Variants in NCOR2 observed in about 807,000 individuals in gnomAD.
The protein encoded by NCOR2 is CTG repeat protein 26.
In NCOR2, 81 loss-of-function variants were observed where a neutral mutation model predicts 262.9. The observed-to-expected ratio is 0.31, with a 90% CI of 0.26 to 0.37. The LOEUF (loss-of-function observed/expected upper bound fraction) is 0.37. NCOR2 is among the 10% of genes least tolerant of loss of function. The pLI is 1.00. For synonymous variants in NCOR2, 1,659 were observed against 1,559.3 expected (o/e 1.06, Z -1.51); for missense variants, 3,385 against 3,621.4 (o/e 0.93, Z 1.68).
At chr12:124,354,687 C>G in intron 25 of NCOR2, 105 bp from the exon 28 acceptor site, 2 of 1,321,358 alleles carry the variant, frequency 1.5e-6, no homozygotes, top group Non-Finnish European at 2.0e-6. Context: ...TGCCCCTCCC[C>G]ACCATGTTCC....
chr12:124,473,560 C>G (rs1310165179), intron 3 of NCOR2, among the ~76,000 whole-genome samples: 2 of 152,038 alleles, frequency 1.3e-5, no homozygotes, highest in East Asian at 1.9e-4. Flanking sequence ...AGTTAATACT[C>G]CTTAATAAAC....
chr12:124,564,395 C>T (rs1039258478), intron 1 of NCOR2, among the ~76,000 whole-genome samples: 1 of 152,042 alleles, frequency 6.6e-6, no homozygotes, highest in Admixed American at 6.6e-5. Flanking sequence ...GTTACCAGCT[C>T]CCACCGGCAG....
At chr12:124,340,080 T>TCTC in exon 37 of NCOR2, 1 of 1,612,906 alleles carries the variant, frequency 6.2e-7, no homozygotes, top group Non-Finnish European at 8.5e-7. Context: ...GCACACTGGG[T>TCTC]CTCTGCTGGA....
chr12:124,449,722 G>T, intron 7 of NCOR2, 93 bp downstream of exon 9: 1 of 1,459,112 alleles, frequency 6.9e-7, no homozygotes, highest in Non-Finnish European at 9.4e-7. Flanking sequence ...GATGGGAACA[G>T]AGAGCCCACG....
chr12:124,346,592 C>A, exon 31 of NCOR2: 1 of 1,576,554 alleles, frequency 6.3e-7, no homozygotes, highest in Non-Finnish European at 8.6e-7. Flanking sequence ...CTTGAGCGGC[C>A]GCGGGGCCAG....
At chr12:124,447,431 C>G (rs2045247310) in intron 7 of NCOR2, among the ~76,000 whole-genome samples, 1 of 152,170 alleles carries the variant, frequency 6.6e-6, no homozygotes, top group Non-Finnish European at 1.5e-5. Flanking sequence ...CTGGTGTCAT[C>G]TATATGAGCA....
chr12:124,334,384 G>T, intron 41 of NCOR2, 40 bp downstream of exon 43: 4 of 1,448,786 alleles, frequency 2.8e-6, no homozygotes, highest in East Asian at 2.8e-5. Flanking sequence ...AAGGCCTCCC[G>T]CCGGCTGACC....
intron 1 of NCOR2, among the ~76,000 whole-genome samples, chr12:124,494,391 C>A (rs952351439): frequency 5.9e-5 from 9 of 152,234 alleles, no homozygotes; most frequent in African/African-American, 2.2e-4. Context: ...TGGTATACAG[C>A]AAGCACCCCA....
intron 8 of NCOR2, among the ~76,000 whole-genome samples, chr12:124,433,198 C>A (rs578234084): frequency 1.5e-4 from 23 of 152,230 alleles, no homozygotes; most frequent in African/African-American, 5.5e-4. Flanking sequence ...GCCAGGAACG[C>A]GCTGGAGATC....
At chr12:124,347,533 A>C in intron 30 of NCOR2, 1 of 403,920 alleles carries the variant, frequency 2.5e-6, no homozygotes, top group Non-Finnish European at 4.5e-6. Context: ...GATGTTCTGT[A>C]AAACGATACG....
intron 37 of NCOR2, among the ~76,000 whole-genome samples, chr12:124,339,758 C>T (rs549554350): frequency 1.6e-5 from 2 of 124,906 alleles, no homozygotes; most frequent in East Asian, 2.4e-4. Context: ...CCACCTAACC[C>T]GACCACCCCC....
At chr12:124,356,929 A>G (rs192423388) in intron 22 of NCOR2, 147 bp from the exon 25 acceptor site, 3 of 1,025,730 alleles carry the variant, frequency 2.9e-6, no homozygotes, top group Non-Finnish European at 3.9e-6. Context: ...AAGCCCCCCA[A>G]GTCTGCCTGC....
At chr12:124,340,723 G>C (rs1293059039) in exon 35 of NCOR2, 3 of 1,546,758 alleles carry the variant, frequency 1.9e-6, no homozygotes, top group Non-Finnish European at 2.6e-6. Context: ...GCACAGGCAG[G>C]TGTGGCACTT....
At chr12:124,567,127 CG>C (rs1260410145) in intron 1 of NCOR2, among the ~76,000 whole-genome samples, 180 bp downstream of exon 1, 4 of 152,156 alleles carry the variant, frequency 2.6e-5, no homozygotes, top group African/African-American at 9.6e-5. Context: ...CCCGAGCACG[CG>C]GGCCGCAGTG....
chr12:124,411,607 A>G (rs3782264), intron 13 of NCOR2, among the ~76,000 whole-genome samples: 4,845 of 152,316 alleles, frequency 0.032, 151 homozygotes, highest in East Asian at 0.2. Context: ...TCGCTCCCCA[A>G]CGGTCTGCAG....
chr12:124,340,297 G>C, exon 36 of NCOR2: 1 of 1,611,076 alleles, frequency 6.2e-7, no homozygotes, highest in South Asian at 1.1e-5. Context: ...GCCCTACCAG[G>C]TCTCCAGATG....
rs1471603800 is a variant in NCOR2, at chr12:124,443,864, C to T, written c.816-5868G>A. Among the ~76,000 whole-genome samples, 1 of 152,132 alleles carries T rather than the reference C, an allele frequency of 6.6e-6. No individual in the cohort carries two copies. The highest frequency in any genetic ancestry group is 1.5e-5 in the Non-Finnish European group (1 of 68,032). On this transcript the variant is annotated intron_variant, in intron 7 of 46. Coordinates refer to ENST00000405201, the Ensembl canonical transcript of NCOR2. This position sits in a 1 kb window ranked among gnomAD's most constrained non-coding sequence, Gnocchi z 4.4. ...AAACCAGAGGCTGTTACACAAAAAG[C>T]CAAACCTAAAGCTTCTCTTGAAAAC...
intron 37 of NCOR2, among the ~76,000 whole-genome samples, chr12:124,339,410 C>G (rs539362366): frequency 6.8e-6 from 1 of 147,816 alleles, no homozygotes; most frequent in Admixed American, 6.7e-5. Context: ...CTACCACCCA[C>G]CCACCCACAC....
chr12:124,419,961 C>T, exon 13 of NCOR2: 2 of 1,613,846 alleles, frequency 1.2e-6, no homozygotes, highest in African/African-American at 1.3e-5. Context: ...TCTTACCTGG[C>T]TCTTGCCGCG....
Sources: gnomAD v4.1 joint callset for allele counts (sites outside exome capture counted in the v4.1 genomes callset) on GRCh38, gnomAD v4.1.1 for gene constraint, Gnocchi (gnomAD v3.1) non-coding constraint, MANE v1.5 for transcripts, NCBI Gene and HGNC (gene_info 2026-07-23, HGNC 2026-07-21) for gene names.